Variants in BRINP3 observed in about 807,000 individuals in gnomAD.
The protein encoded by BRINP3 is BMP/retinoic acid-inducible neural-specific protein 3.
Under a neutral mutation model 71.0 loss-of-function variants are expected in BRINP3, and 19 were observed. That is an observed-to-expected ratio of 0.27 (90% CI 0.19 to 0.39). The LOEUF (loss-of-function observed/expected upper bound fraction) is 0.39. Among genes scored for constraint, BRINP3 ranks in the 10% least tolerant of loss-of-function variants. BRINP3 has a pLI of 1.00. For missense variants in BRINP3, 959 were observed against 940.8 expected, an observed-to-expected ratio of 1.02 and a Z score of -0.25; for synonymous variants, 380 against 337.7, an observed-to-expected ratio of 1.13 and a Z score of -1.37.
chr1:190,193,507 C>G (rs921018902), intron 6 of BRINP3, among the ~76,000 whole-genome samples: 3 of 151,684 alleles, frequency 2.0e-5, no homozygotes, highest in African/African-American at 7.3e-5. Flanking sequence ...TGAAAAATGC[C>G]CCTCCCCAAA....
At chr1:190,365,688 A>C (rs185096099) in intron 2 of BRINP3, among the ~76,000 whole-genome samples, 1 of 146,208 alleles carries the variant, frequency 6.8e-6, no homozygotes, top group African/African-American at 2.5e-5. Context: ...ACAATATAAT[A>C]CACAATATAA....
chr1:190,339,555 A>G (rs746535840), intron 2 of BRINP3, among the ~76,000 whole-genome samples: 3 of 151,928 alleles, frequency 2.0e-5, no homozygotes, highest in Admixed American at 1.3e-4. Flanking sequence ...TGAAGAGGAG[A>G]TCTTTTTCTG....
Position 190,148,355 on chromosome 1 carries a change from G to A in BRINP3, c.1184+12313C>T, listed in dbSNP as rs916819745. 4.6e-5 allele frequency among the ~76,000 whole-genome samples: 7 copies of A among 151,868 alleles called. 1 individual carries two copies. The highest frequency in any genetic ancestry group is 1.7e-4 in the African/African-American group (7 of 41,332). ...CTCACGCGTCATCCCAACACTTTGG[G>A]AGGCCGAGGCGGCGGATCAAGAGGT... On this transcript the variant is annotated intron_variant, in intron 7 of 7. Transcript: ENST00000367462.
chr1:190,295,201 C>A (rs138184026), intron 2 of BRINP3, among the ~76,000 whole-genome samples: 33 of 152,228 alleles, frequency 2.2e-4, no homozygotes, highest in African/African-American at 7.0e-4. Flanking sequence ...AGGGCCAGAA[C>A]TCCGGTTTGT....
intron 2 of BRINP3, among the ~76,000 whole-genome samples, chr1:190,435,823 T>C (rs563173047): frequency 6.6e-6 from 1 of 151,978 alleles, no homozygotes; most frequent in Non-Finnish European, 1.5e-5. Context: ...AGTTTATTGT[T>C]AGAGAAACGA....
chr1:190,337,108 G>T (rs1667340210), intron 2 of BRINP3, among the ~76,000 whole-genome samples: 1 of 151,914 alleles, frequency 6.6e-6, no homozygotes, highest in East Asian at 1.9e-4. Context: ...GTTTGATGTT[G>T]AAGTTATGTT....
chr1:190,339,333 G>C (rs150688255), intron 2 of BRINP3, among the ~76,000 whole-genome samples: 1 of 151,930 alleles, frequency 6.6e-6, no homozygotes, highest in Non-Finnish European at 1.5e-5. Context: ...AACAAAGTCA[G>C]ATTTTTCCCT....
At chr1:190,267,861 A>G (rs2102886038) in intron 3 of BRINP3, among the ~76,000 whole-genome samples, 1 of 152,218 alleles carries the variant, frequency 6.6e-6, no homozygotes, top group Non-Finnish European at 1.5e-5. Flanking sequence ...CAAATAGTTC[A>G]CAGTGGATTT....
rs554647303 is a variant in BRINP3, at chr1:190,294,797, G to A, written c.237-13047C>T. On this transcript the variant is annotated intron_variant, in intron 2 of 7. Coordinates refer to ENST00000367462, the MANE Select transcript of BRINP3 (RefSeq NM_199051.3). ...TAAAGGGGACTGCCTGTTGAGCTCCGTAAGCCAGTGGTTGCTCTTGGCATT... is the reference window on the plus strand; with the variant it reads ...TAAAGGGGACTGCCTGTTGAGCTCCATAAGCCAGTGGTTGCTCTTGGCATT... Among the ~76,000 whole-genome samples the A allele has an allele frequency of 4.6e-5, 7 of 152,030 alleles. No individual in the cohort carries two copies. In the East Asian group the frequency reaches 9.7e-4, roughly 21 times the overall value.
chr1:190,283,519 A>G (rs1663194892), intron 2 of BRINP3, among the ~76,000 whole-genome samples: 1 of 151,694 alleles, frequency 6.6e-6, no homozygotes, highest in South Asian at 2.1e-4. Flanking sequence ...ATAGAGTAAG[A>G]ATGTCTTTAT....
intron 2 of BRINP3, among the ~76,000 whole-genome samples, chr1:190,341,552 C>T (rs1307791636): frequency 2.6e-5 from 4 of 151,530 alleles, no homozygotes; most frequent in African/African-American, 9.7e-5. Flanking sequence ...ATGAACAAAA[C>T]AACAAAAAAC....
intron 1 of BRINP3, among the ~76,000 whole-genome samples, chr1:190,456,593 T>G (rs777007938): frequency 6.6e-5 from 10 of 151,976 alleles, no homozygotes; most frequent in Non-Finnish European, 1.5e-4. Flanking sequence ...TTATGAGAAC[T>G]ATACAATTTA....
At chr1:190,161,737 C>A (rs531849812) in intron 6 of BRINP3, among the ~76,000 whole-genome samples, 3 of 151,936 alleles carry the variant, frequency 2.0e-5, no homozygotes, top group Non-Finnish European at 4.4e-5. Context: ...AACAACTAGA[C>A]GGTTAATCAA....
intron 5 of BRINP3, among the ~76,000 whole-genome samples, chr1:190,229,275 A>G (rs1376478010): frequency 6.6e-6 from 1 of 151,910 alleles, no homozygotes; most frequent in Non-Finnish European, 1.5e-5. Flanking sequence ...TTTTCTCATG[A>G]TAGTGAATAA....
intron 2 of BRINP3, among the ~76,000 whole-genome samples, chr1:190,373,233 T>C (rs1669972635): frequency 6.6e-6 from 1 of 151,878 alleles, no homozygotes; most frequent in African/African-American, 2.4e-5. Flanking sequence ...CTACTAAAAA[T>C]ACAAAAATTA....
intron 2 of BRINP3, among the ~76,000 whole-genome samples, chr1:190,289,239 A>G (rs1313861355): frequency 1.3e-5 from 2 of 151,958 alleles, no homozygotes; most frequent in Non-Finnish European, 2.9e-5. Context: ...AGTTTTGAAT[A>G]ATAACTCAAT....
intron 2 of BRINP3, 86 bp from the exon 3 acceptor site, chr1:190,281,836 C>T: frequency 1.6e-6 from 2 of 1,235,360 alleles, no homozygotes; most frequent in Admixed American, 2.5e-5. Context: ...GGGGTCAGTA[C>T]ATTACAATGT....
intron 2 of BRINP3, among the ~76,000 whole-genome samples, chr1:190,330,760 T>C (rs1666911637): frequency 6.6e-6 from 1 of 152,016 alleles, no homozygotes; most frequent in Non-Finnish European, 1.5e-5. Context: ...TGGATAAAGA[T>C]TATGTGGTAT....
intron 4 of BRINP3, among the ~76,000 whole-genome samples, chr1:190,253,203 G>C (rs1220422772): frequency 6.6e-6 from 1 of 152,112 alleles, no homozygotes; most frequent in African/African-American, 2.4e-5. Flanking sequence ...TTGGTTCCAA[G>C]TCTTTGCTAT....
Sources: gnomAD v4.1 joint callset for allele counts (sites outside exome capture counted in the v4.1 genomes callset) on GRCh38, gnomAD v4.1.1 for gene constraint, MANE v1.5 for transcripts, NCBI Gene and HGNC (gene_info 2026-07-23, HGNC 2026-07-21) for gene names.